MAGI3: variants seen among roughly 807,000 people sequenced by gnomAD.
MAGI3 encodes the protein membrane-associated guanylate kinase, WW and PDZ domain-containing protein 3.
Under a neutral mutation model 121.8 loss-of-function variants are expected in MAGI3, and 43 were observed. That is an observed-to-expected ratio of 0.35 (90% CI 0.28 to 0.46). The LOEUF (loss-of-function observed/expected upper bound fraction) is 0.46, where lower values mean the gene tolerates loss of function less well. Ranked by LOEUF, MAGI3 falls within the 20% of genes least tolerant of loss-of-function variation. The pLI, the probability that MAGI3 is intolerant of heterozygous loss-of-function variation, is 1.00. For missense variants in MAGI3, 1,547 were observed against 1,797.3 expected (o/e 0.86, Z 2.52); for synonymous variants, 553 against 639.3 (o/e 0.86, Z 2.04).
chr1:113,616,946 C>T (rs1224623187), intron 7 of MAGI3, among the ~76,000 whole-genome samples: 4 of 149,802 alleles, frequency 2.7e-5, no homozygotes, highest in African/African-American at 9.8e-5. Flanking sequence ...TGCAGCAGCA[C>T]GATCTTGGCT....
intron 1 of MAGI3, among the ~76,000 whole-genome samples, chr1:113,402,787 G>A (rs1651474178): frequency 6.6e-6 from 1 of 152,014 alleles, no homozygotes; most frequent in Admixed American, 6.6e-5. Flanking sequence ...GCTCTTGCTG[G>A]GTGCGGGACA....
At chr1:113,416,038 A>G (rs193050861) in intron 1 of MAGI3, among the ~76,000 whole-genome samples, 1,078 of 89,480 alleles carry the variant, frequency 0.012, 46 homozygotes, top group African/African-American at 0.05. Flanking sequence ...GACACATATT[A>G]ATTATGTAAT....
chr1:113,578,947 TATC>T (rs910280367), intron 2 of MAGI3, among the ~76,000 whole-genome samples: 6 of 95,290 alleles, frequency 6.3e-5, no homozygotes, highest in African/African-American at 2.9e-4. Context: ...ATTAATTTGT[TATC>T]ATAATCTTTG....
chr1:113,569,829 T>C (rs1570878444), intron 2 of MAGI3, among the ~76,000 whole-genome samples: 2 of 152,322 alleles, frequency 1.3e-5, no homozygotes, highest in South Asian at 4.1e-4. Context: ...TTAGATTTGA[T>C]GATTTACTAT....
intron 1 of MAGI3, among the ~76,000 whole-genome samples, chr1:113,474,657 G>A (rs1391266679): frequency 6.7e-6 from 1 of 149,602 alleles, no homozygotes; most frequent in African/African-American, 2.4e-5. Context: ...TGCTGTTTTG[G>A]TTAAGTCAGG....
intron 1 of MAGI3, among the ~76,000 whole-genome samples, chr1:113,417,998 C>A (rs1652542404): frequency 6.6e-6 from 1 of 151,950 alleles, no homozygotes; most frequent in South Asian, 2.1e-4. Context: ...TATCCTCATC[C>A]ATTCATTTTT....
Position 113,529,270 on chromosome 1 carries a change from A to G in MAGI3, c.317-20245A>G, listed in dbSNP as rs145871855. 1.1e-4 allele frequency among the ~76,000 whole-genome samples: 16 copies of G among 152,350 alleles called. No homozygotes were observed. In the East Asian group the frequency reaches 1.2e-3, roughly 11 times the overall value. On this transcript the variant is annotated intron_variant, in intron 1 of 20. Coordinates refer to ENST00000307546, the MANE Select transcript of MAGI3 (RefSeq NM_001142782.2). ...TTAGCGTTGCTATAATGAAAATTCC[A>G]TAAACTGAGTGGTTCAAACAACAAA...
intron 9 of MAGI3, among the ~76,000 whole-genome samples, chr1:113,638,823 C>T (rs1652233147): frequency 6.6e-6 from 1 of 152,234 alleles, no homozygotes; most frequent in South Asian, 2.1e-4. Flanking sequence ...TTGTCTGTGC[C>T]CCGCCCCCAG....
chr1:113,462,096 C>T (rs1171195761), intron 1 of MAGI3, among the ~76,000 whole-genome samples: 1 of 152,156 alleles, frequency 6.6e-6, no homozygotes, highest in Non-Finnish European at 1.5e-5. Context: ...AAAGGAAACA[C>T]TTATACACTG....
chr1:113,641,608 T>C (rs1455402248), intron 9 of MAGI3, among the ~76,000 whole-genome samples: 1 of 152,068 alleles, frequency 6.6e-6, no homozygotes, highest in East Asian at 1.9e-4. Flanking sequence ...TAGATATGAC[T>C]CAGAGGGTAT....
chr1:113,540,555 A>G (rs1347774074), intron 1 of MAGI3, among the ~76,000 whole-genome samples: 1 of 152,220 alleles, frequency 6.6e-6, no homozygotes, highest in Non-Finnish European at 1.5e-5. Flanking sequence ...GTAGAGCACT[A>G]GTTAGAGTAG....
rs147022559 is a variant in MAGI3, at chr1:113,540,685, C to T, written c.317-8830C>T. Among the ~76,000 whole-genome samples the T allele has an allele frequency of 1.2e-3, 184 of 152,308 alleles. 2 individuals are homozygous for T. In the South Asian group the frequency reaches 0.037, roughly 31 times the overall value. ...GAGAATATAGATATAGATGCAATAGCATTTTCCTCTGGGGCACCACCTCTT... is the reference window on the plus strand; with the variant it reads ...GAGAATATAGATATAGATGCAATAGTATTTTCCTCTGGGGCACCACCTCTT... On this transcript the variant is annotated intron_variant, in intron 1 of 20. Coordinates refer to ENST00000307546, the MANE Select transcript of MAGI3 (RefSeq NM_001142782.2).
chr1:113,444,421 A>C (rs1427886333), intron 1 of MAGI3, among the ~76,000 whole-genome samples: 2 of 152,180 alleles, frequency 1.3e-5, no homozygotes, highest in Non-Finnish European at 2.9e-5. Flanking sequence ...TTTTGGGAGC[A>C]GACATGAAAG....
At chr1:113,558,671 C>T (rs893001813) in intron 2 of MAGI3, among the ~76,000 whole-genome samples, 1 of 152,084 alleles carries the variant, frequency 6.6e-6, no homozygotes, top group Non-Finnish European at 1.5e-5. Flanking sequence ...CCCAACCTAG[C>T]AAGACAGGCC....
intron 19 of MAGI3, among the ~76,000 whole-genome samples, chr1:113,679,268 C>CTTGTATTCCCGTGTCTGTTGTTCTCATCT (rs1648067960): frequency 1.3e-5 from 2 of 152,110 alleles, no homozygotes; most frequent in Non-Finnish European, 2.9e-5. Flanking sequence ...CTCCCCCCAT[C>CTTGTATTCCCGTGTCTGTTGTTCTCATCT]TTGTATTCCC....
intron 1 of MAGI3, among the ~76,000 whole-genome samples, chr1:113,474,246 A>T (rs559300047): frequency 2.0e-5 from 3 of 152,108 alleles, no homozygotes; most frequent in African/African-American, 7.2e-5. Flanking sequence ...TTCTTTTGCC[A>T]CGCAGAAGCT....
chr1:113,416,413 TTAATA>T (rs1482385945), intron 1 of MAGI3, among the ~76,000 whole-genome samples: 12 of 29,872 alleles, frequency 4.0e-4, no homozygotes, highest in Non-Finnish European at 8.0e-4. Context: ...TAATTAATAA[TTAATA>T]ATTAATAATA....
In MAGI3 at chr1:113,622,903, T is replaced by C. The variant is rs1650922197; in HGVS notation, c.1269T>C (p.Thr423=). The part of the protein sequence containing the change: ...LKKSTMGFGF[T]IIGGDRPDEF... ...AAAGCACAATGGGATTTGGTTTTAC[T>C]ATTATTGGTGGAGATAGACCTGATG... Residue 423 remains threonine (T), a synonymous_variant, in exon 9 of 21, where the codon ACT becomes ACC. Coordinates refer to ENST00000307546, the MANE Select transcript of MAGI3 (RefSeq NM_001142782.2). The C allele has an allele frequency of 1.9e-6, 3 of 1,600,764 alleles. No homozygotes were observed. The highest frequency in any genetic ancestry group is 1.7e-6 in the Non-Finnish European group (2 of 1,175,196).
At chr1:113,668,620 G>A (rs1479270605) in intron 16 of MAGI3, among the ~76,000 whole-genome samples, 1 of 123,774 alleles carries the variant, frequency 8.1e-6, no homozygotes, top group African/African-American at 3.2e-5. Flanking sequence ...CTGTCGCCCA[G>A]GCCGGACTGC....
Sources: gnomAD v4.1 joint callset for allele counts (sites outside exome capture counted in the v4.1 genomes callset) on GRCh38, gnomAD v4.1.1 for gene constraint, MANE v1.5 for transcripts, NCBI Gene and HGNC (gene_info 2026-07-23, HGNC 2026-07-21) for gene names.